Variants in BABAM2 observed in about 807,000 individuals in gnomAD.
The protein encoded by BABAM2 is BRISC and BRCA1 A complex member 2, also known as BRISC and BRCA1-A complex member 2.
A neutral mutation model predicts 54.7 loss-of-function variants in BABAM2; 31 were observed. That is an observed-to-expected ratio of 0.57 (90% CI 0.43 to 0.77). The LOEUF (loss-of-function observed/expected upper bound fraction) is 0.77, where lower values mean the gene tolerates loss of function less well. Among genes scored for constraint, BABAM2 ranks in the 30% least tolerant of loss-of-function variants. BABAM2 has a pLI of 0.00. For missense variants in BABAM2, 364 were observed against 455.8 expected, an observed-to-expected ratio of 0.80 and a Z score of 1.83; for synonymous variants, 167 against 162.9, an observed-to-expected ratio of 1.03 and a Z score of -0.19.
chr2:28,307,547 C>T (rs112587338), intron 11 of BABAM2: 51 of 151,800 alleles, frequency 3.4e-4, no homozygotes, highest in African/African-American at 1.1e-3. Context: ...AAAAATACAC[C>T]GTTAACTTAT....
chr2:28,034,811 G>A (rs996643238), intron 5 of BABAM2, among the ~76,000 whole-genome samples: 2 of 152,138 alleles, frequency 1.3e-5, no homozygotes, highest in Admixed American at 6.5e-5. Context: ...CCATTAACCC[G>A]CTGACATTTA....
At position 28,248,500 on chromosome 2, in the gene BABAM2, C is replaced by T. The variant is rs187508819; in HGVS notation, c.934+3638C>T. 1.6e-3 allele frequency among the ~76,000 whole-genome samples: 249 copies of T among 152,130 alleles called. 5 individuals are homozygous for T. Among genetic ancestry groups the T allele is most frequent in the Non-Finnish European group, 9.7e-4 (66 of 68,002 alleles). On this transcript the variant is annotated intron_variant, in intron 10 of 11. Transcript: ENST00000379624. ...CTGGGATTACAGGCGTGAGCCACCGCGCCTGGTCCACTAGTAGCTTTTCAG... is the reference window on the plus strand; with the variant it reads ...CTGGGATTACAGGCGTGAGCCACCGTGCCTGGTCCACTAGTAGCTTTTCAG...
intron 7 of BABAM2, among the ~76,000 whole-genome samples, chr2:28,141,456 T>C (rs1014233613): frequency 6.6e-6 from 1 of 152,204 alleles, no homozygotes; most frequent in Non-Finnish European, 1.5e-5. Flanking sequence ...TTGCTCTCGA[T>C]AGCTAACATA....
At chr2:28,103,650 A>G (rs1667272135) in intron 6 of BABAM2, among the ~76,000 whole-genome samples, 1 of 152,096 alleles carries the variant, frequency 6.6e-6, no homozygotes, top group African/African-American at 2.4e-5. Context: ...TTTATCGAGG[A>G]GTCAGTTTCT....
intron 10 of BABAM2, among the ~76,000 whole-genome samples, chr2:28,291,836 G>A (rs62139153): frequency 0.25 from 37,868 of 152,192 alleles, 5,972 homozygotes; most frequent in Non-Finnish European, 0.36. Context: ...TTTTCCAGTG[G>A]TTGGAATCCA....
At chr2:28,265,346 G>C (rs549503343) in intron 10 of BABAM2, among the ~76,000 whole-genome samples, 1 of 152,204 alleles carries the variant, frequency 6.6e-6, no homozygotes, top group Admixed American at 6.5e-5. Context: ...AGAATCACTT[G>C]AACACGGGAG....
intron 11 of BABAM2, among the ~76,000 whole-genome samples, chr2:28,312,953 C>G (rs1689203113): frequency 6.6e-6 from 1 of 152,190 alleles, no homozygotes; most frequent in Non-Finnish European, 1.5e-5. Flanking sequence ...CCCCTGATTA[C>G]TGGTCCAAAG....
rs1558346715 is a variant in BABAM2 at position 28,112,147 on chromosome 2, T to TTCTTTCTTTCCTTCCTTCCC, written c.571-17123_571-17122insCTTTCTTTCCTTCCTTCCCT. 3.4e-3 allele frequency among the ~76,000 whole-genome samples: 18 copies of TTCTTTCTTTCCTTCCTTCCC among 5,238 alleles called. 2 individuals carry two copies. Among genetic ancestry groups the TTCTTTCTTTCCTTCCTTCCC allele is most frequent in the Non-Finnish European group, 4.8e-3 (15 of 3,154 alleles). The allele number at this position is 5,238 out of a possible 152,430, so 3.4% of individuals were successfully genotyped here. On this transcript the variant is annotated intron_variant, in intron 6 of 11. Coordinates refer to ENST00000379624, the MANE Select transcript of BABAM2 (RefSeq NM_199191.3). ...TTTCTTTCTTTCTTTCTTTCTTTCT[T>TTCTTTCTTTCCTTCCTTCCC]TACCTCCCTCCCTCCCTCCCTCCCT...
chr2:28,336,366 T>C (rs951744988), intron 11 of BABAM2, among the ~76,000 whole-genome samples: 2 of 152,068 alleles, frequency 1.3e-5, no homozygotes, highest in Non-Finnish European at 2.9e-5. Flanking sequence ...ATAAAAGTGA[T>C]GAAAACATCC....
chr2:28,099,593 G>A (rs10209559), intron 6 of BABAM2, among the ~76,000 whole-genome samples: 50,040 of 151,832 alleles, frequency 0.33, 8,534 homozygotes, highest in South Asian at 0.53. Context: ...TATTTACTAG[G>A]GTTTTTATTT....
chr2:28,327,169 C>A, intron 11 of BABAM2: 1 of 1,215,336 alleles, frequency 8.2e-7, no homozygotes, highest in East Asian at 2.4e-5. Context: ...GAAGCTGGTC[C>A]CATGGCCGGT....
At chr2:28,199,498 T>C (rs1032602430) in intron 7 of BABAM2, among the ~76,000 whole-genome samples, 20 of 152,234 alleles carry the variant, frequency 1.3e-4, no homozygotes, top group Non-Finnish European at 2.9e-5. Context: ...TGGCAAATAC[T>C]AAGCACTCAA....
rs140915389 is a variant in BABAM2, at chr2:28,060,551, A to G, written c.570+14752A>G. Among the ~76,000 whole-genome samples the G allele has an allele frequency of 6.5e-4, 99 of 152,324 alleles. 1 individual carries two copies. The East Asian group carries it at 0.013, about 19-fold the overall frequency. On this transcript the variant is annotated intron_variant, in intron 6 of 11. Transcript: ENST00000379624. ...AGAGTAGAAAGGAAGAAGTAAAACT[A>G]TCTTTTCACAGATGATATTGTTGAC...
intron 7 of BABAM2, among the ~76,000 whole-genome samples, chr2:28,210,816 G>A (rs145139043): frequency 6.6e-6 from 1 of 152,286 alleles, no homozygotes; most frequent in African/African-American, 2.4e-5. Context: ...AGAATAGTGG[G>A]TAAGAGTGCT....
intron 7 of BABAM2, among the ~76,000 whole-genome samples, chr2:28,162,424 C>T (rs1673191147): frequency 6.6e-6 from 1 of 152,116 alleles, no homozygotes; most frequent in Admixed American, 6.5e-5. Context: ...TTTTTGTCAC[C>T]TTTTACCCAG....
intron 7 of BABAM2, among the ~76,000 whole-genome samples, chr2:28,208,428 A>C (rs761587659): frequency 6.6e-6 from 1 of 152,234 alleles, no homozygotes; most frequent in Non-Finnish European, 1.5e-5. Context: ...TTCTAACCCT[A>C]GTTTGCACAA....
chr2:27,942,865 T>A (rs1049017956), intron 3 of BABAM2, among the ~76,000 whole-genome samples: 1 of 151,644 alleles, frequency 6.6e-6, no homozygotes, highest in African/African-American at 2.4e-5. Context: ...CAGCCTGGAG[T>A]GCATTATAGC....
intron 2 of BABAM2, among the ~76,000 whole-genome samples, chr2:27,913,670 C>T (rs1257969706): frequency 6.6e-6 from 1 of 151,752 alleles, no homozygotes; most frequent in East Asian, 1.9e-4. Context: ...ATAAAATGCA[C>T]ATAAAATCTA....
intron 5 of BABAM2, among the ~76,000 whole-genome samples, chr2:28,035,902 G>C (rs1676625336): frequency 6.6e-6 from 1 of 152,172 alleles, no homozygotes; most frequent in Non-Finnish European, 1.5e-5. Context: ...AGAGGTATCA[G>C]TAGGAAATTC....
Sources: allele counts gnomAD v4.1 joint callset (sites outside exome capture counted in the v4.1 genomes callset), GRCh38; gene constraint gnomAD v4.1.1; transcripts MANE v1.5; gene names NCBI Gene and HGNC (gene_info 2026-07-23, HGNC 2026-07-21).